Variants in GRAMD1B observed in about 807,000 individuals in gnomAD.
The protein encoded by GRAMD1B is protein Aster-B.
A neutral mutation model predicts 99.7 loss-of-function variants in GRAMD1B; 37 were observed. The observed-to-expected ratio is 0.37, with a 90% CI of 0.29 to 0.49. The LOEUF (loss-of-function observed/expected upper bound fraction) is 0.49. Among genes scored for constraint, GRAMD1B ranks in the 20% least tolerant of loss-of-function variants. GRAMD1B has a pLI of 0.98. For missense variants in GRAMD1B, 888 were observed against 1,009.2 expected (o/e 0.88, Z 1.63); for synonymous variants, 427 against 387.6 (o/e 1.10, Z -1.19).
At chr11:123,530,199 A>T (rs202056000) in intron 2 of GRAMD1B, among the ~76,000 whole-genome samples, 5 of 145,804 alleles carry the variant, frequency 3.4e-5, no homozygotes, top group Admixed American at 6.8e-5. Flanking sequence ...GGGAGGGTCC[A>T]TTTTTTTTTT....
chr11:123,416,038 G>T (rs1273674455), intron 1 of GRAMD1B, among the ~76,000 whole-genome samples: 2 of 152,112 alleles, frequency 1.3e-5, no homozygotes, highest in Non-Finnish European at 2.9e-5. Flanking sequence ...TTTTAGCTTG[G>T]GTTGAAAGAG....
chr11:123,414,064 A>G (rs1264016491), intron 1 of GRAMD1B, among the ~76,000 whole-genome samples: 1 of 138,360 alleles, frequency 7.2e-6, no homozygotes. Flanking sequence ...TTTTTTTTTG[A>G]GACAGAGTCT....
At chr11:123,432,743 G>A (rs774137823) in intron 1 of GRAMD1B, among the ~76,000 whole-genome samples, 3 of 152,106 alleles carry the variant, frequency 2.0e-5, no homozygotes, top group Non-Finnish European at 4.4e-5. Flanking sequence ...GAGGTTGGGT[G>A]CATAAGACTG....
chr11:123,527,289 TTTGGCC>T (rs1384422003), intron 2 of GRAMD1B, among the ~76,000 whole-genome samples: 1 of 152,162 alleles, frequency 6.6e-6, no homozygotes, highest in Non-Finnish European at 1.5e-5. Context: ...CTGGGCCACA[TTTGGCC>T]TTCCAGGCAC....
intron 1 of GRAMD1B, among the ~76,000 whole-genome samples, chr11:123,413,075 C>G (rs1214053337): frequency 6.6e-6 from 1 of 152,178 alleles, no homozygotes; most frequent in Non-Finnish European, 1.5e-5. Flanking sequence ...AGCCACCGCA[C>G]CCAGCCTGCA....
At position 123,549,301 on chromosome 11, in the gene GRAMD1B, T is replaced by C. The variant is rs915808080; in HGVS notation, c.453-28066T>C. ...AGCTCATGCCTGTAATCCCAGCACT[T>C]TGGGAGGCCGAGGTGGGTGGATCAC... On this transcript the variant is annotated intron_variant, in intron 2 of 19. Transcript: ENST00000635736. Among the ~76,000 whole-genome samples, 5 of 152,112 alleles carry C rather than the reference T, an allele frequency of 3.3e-5. No individual in the cohort carries two copies. The East Asian group carries it at 7.7e-4, about 24-fold the overall frequency.
intron 2 of GRAMD1B, among the ~76,000 whole-genome samples, chr11:123,503,552 C>CT (rs56215248): frequency 0.35 from 51,592 of 146,454 alleles, 9,310 homozygotes; most frequent in Non-Finnish European, 0.4. Context: ...TAAATTTCAC[C>CT]TTTTTTTTTT....
At position 123,602,460 on chromosome 11, in the gene GRAMD1B, G is replaced by T. The variant is rs570368923; in HGVS notation, c.1051-966G>T. On this transcript the variant is annotated intron_variant, in intron 8 of 19. Coordinates refer to ENST00000635736, the MANE Select transcript of GRAMD1B (RefSeq NM_001387025.1). ...ATGTGTATACATGTGCCATGTTGGT[G>T]TGCTGCACCCAAATTCTTTAGGAAG... 4.9e-4 allele frequency among the ~76,000 whole-genome samples: 75 copies of T among 152,232 alleles called. No individual in the cohort carries two copies. In the South Asian group the frequency reaches 0.016, roughly 32 times the overall value.
At chr11:123,384,857 C>T (rs1017297573) in intron 1 of GRAMD1B, among the ~76,000 whole-genome samples, 1 of 152,124 alleles carries the variant, frequency 6.6e-6, no homozygotes, top group African/African-American at 2.4e-5. Context: ...ATATGGTCTC[C>T]ATCACAACTA....
intron 19 of GRAMD1B, 129 bp from the exon 20 acceptor site, chr11:123,622,377 C>G (rs1040101992): frequency 1.1e-5 from 7 of 635,194 alleles, no homozygotes; most frequent in Non-Finnish European, 2.0e-5. Flanking sequence ...GCTTTAGGTG[C>G]CCGACTCTTT....
intron 1 of GRAMD1B, among the ~76,000 whole-genome samples, chr11:123,397,857 T>G (rs1289989070): frequency 6.6e-6 from 1 of 152,174 alleles, no homozygotes; most frequent in East Asian, 1.9e-4. Context: ...CCATCTGGCC[T>G]CTTACCCTCA....
chr11:123,588,740 G>A (rs1219050154), intron 4 of GRAMD1B, among the ~76,000 whole-genome samples: 3 of 152,178 alleles, frequency 2.0e-5, no homozygotes, highest in Non-Finnish European at 4.4e-5. Flanking sequence ...AGGGATCTTC[G>A]TGTGTACATG....
At chr11:123,620,894 A>T (rs973596277) in intron 19 of GRAMD1B, among the ~76,000 whole-genome samples, 1 of 152,224 alleles carries the variant, frequency 6.6e-6, no homozygotes, top group Admixed American at 6.5e-5. Flanking sequence ...GAAAGTGTTC[A>T]TCATCATCAC....
intron 2 of GRAMD1B, among the ~76,000 whole-genome samples, chr11:123,573,187 G>A (rs555282774): frequency 3.3e-5 from 5 of 152,212 alleles, no homozygotes; most frequent in South Asian, 2.1e-4. Flanking sequence ...GTTAGACCCC[G>A]ATGGCTGAGG....
chr11:123,507,339 T>C (rs974895711), intron 2 of GRAMD1B, among the ~76,000 whole-genome samples: 1 of 152,186 alleles, frequency 6.6e-6, no homozygotes, highest in African/African-American at 2.4e-5. Context: ...CCTCATGGCT[T>C]TTCAAGTTTA....
chr11:123,431,119 C>G lies in GRAMD1B; in HGVS notation c.327C>G (p.Leu109=). ...SASPRRKRFL[L]RKWLRVRERK... ...CCCCGCGCCGAAAACGCTTCCTCCT[C>G]CGCAAGTGGCTGAGGGTGAGGGAGC... Residue 109 remains leucine (L), a synonymous_variant, in exon 1 of 20, where the codon CTC becomes CTG. Transcript: ENST00000635736. 1 of 703,046 alleles carries G rather than the reference C, an allele frequency of 1.4e-6. No homozygotes were observed. Among genetic ancestry groups the G allele is most frequent in the South Asian group, 1.5e-5 (1 of 67,602 alleles). The allele number at this position is 703,046 out of a possible 1,614,324, so 43.6% of individuals were successfully genotyped here.
chr11:123,371,335 A>G (rs1946522634), intron 1 of GRAMD1B, among the ~76,000 whole-genome samples: 1 of 152,182 alleles, frequency 6.6e-6, no homozygotes, highest in Non-Finnish European at 1.5e-5. Flanking sequence ...GATTATGTAC[A>G]GGAAAAGAGC....
rs1483189079 is a variant in GRAMD1B, at chr11:123,623,319, C to G, written c.*724C>G. On this transcript the variant is annotated 3_prime_UTR_variant, in exon 20 of 20. Transcript: ENST00000635736. ...GTAAGGGCTGGGAATTTCTTACTTT[C>G]CCACCCGCTTTCTCTCTGGTCTTCT... 6.6e-6 allele frequency: 1 copy of G among 152,010 alleles called. No individual in the cohort carries two copies. Among genetic ancestry groups the G allele is most frequent in the African/African-American group, 2.4e-5 (1 of 41,236 alleles). 9.4% of individuals were successfully genotyped at this position (152,010 alleles called of 1,614,324 possible).
In GRAMD1B at chr11:123,605,404, A is replaced by T. The variant is rs1952577571; in HGVS notation, c.1249A>T (p.Ser417Cys). Residue 417 changes from serine (S) to cysteine (C), a missense_variant, in exon 10 of 20, where the codon AGT becomes TGT. Around this residue, in one of 5 missense-constraint regions of GRAMD1B, gnomAD observed 269 missense variants for 296.6 expected, o/e 0.91. Transcript: ENST00000635736. ...CAGCATAGAGACCAAGCCAGATGCC[A>T]GTCCACAGCTGCCCAAGAAATCCAT... ...KSSIETKPDASPQLPKKSITN... is the reference protein window; with the variant it reads ...KSSIETKPDACPQLPKKSITN... 1 of 1,613,438 alleles carries T rather than the reference A, an allele frequency of 6.2e-7. No individual in the cohort carries two copies. Among genetic ancestry groups the T allele is most frequent in the African/African-American group, 1.3e-5 (1 of 74,924 alleles).
Sources: allele counts gnomAD v4.1 joint callset (sites outside exome capture counted in the v4.1 genomes callset), GRCh38; gene constraint gnomAD v4.1.1; regional missense constraint gnomAD v4.1.1; transcripts MANE v1.5; gene names NCBI Gene and HGNC (gene_info 2026-07-23, HGNC 2026-07-21).